Variants in SARS1 observed in about 807,000 individuals in gnomAD.
SARS1 encodes seryl-tRNA synthetase 1, also known as serine--tRNA ligase, cytoplasmic.
A neutral mutation model predicts 63.7 loss-of-function variants in SARS1; 25 were observed. That is an observed-to-expected ratio of 0.39 (90% CI 0.29 to 0.55). The LOEUF (loss-of-function observed/expected upper bound fraction) is 0.55, where lower values mean the gene tolerates loss of function less well. Ranked by LOEUF, SARS1 falls within the 20% of genes least tolerant of loss-of-function variation. The pLI is 0.62. For missense variants in SARS1, 417 were observed against 649.7 expected (o/e 0.64, Z 3.89); for synonymous variants, 231 against 243.5 (o/e 0.95, Z 0.48).
intron 6 of SARS1, among the ~76,000 whole-genome samples, chr1:109,234,054 T>A (rs1655261460): frequency 6.6e-6 from 1 of 151,306 alleles, no homozygotes; most frequent in Admixed American, 6.6e-5. Context: ...TTTTTTTGTA[T>A]TTTTAGTAGA....
In SARS1 at chr1:109,237,761, C is replaced by T. The variant is rs1247279893; in HGVS notation, c.1418C>T (p.Pro473Leu). 2 of 1,614,190 alleles carry T rather than the reference C, an allele frequency of 1.2e-6. No individual in the cohort carries two copies. Among genetic ancestry groups the T allele is most frequent in the South Asian group, 1.1e-5 (1 of 91,080 alleles). ...GLQELIPFVK[P>L]APIEQEPSKK... ...CAAGAACTGATCCCCTTTGTGAAGC[C>T]TGCGCCCATTGAGCAGGAGCCATCA... The change falls in exon 11 of 11, where the codon CCT (proline) becomes CTT (leucine). Residue 473 changes from proline (P) to leucine (L), a missense_variant. By Grantham distance (98) the Pro-to-Leu change is moderately conservative. Around this residue, in one of 3 missense-constraint regions of SARS1, gnomAD observed 43 missense variants for 68.1 expected, o/e 0.63. Coordinates refer to ENST00000234677, the MANE Select transcript of SARS1 (RefSeq NM_006513.4). This position sits in a 1 kb window ranked among gnomAD's most constrained non-coding sequence, Gnocchi z 4.1.
chr1:109,236,492 T>G lies in SARS1; in HGVS notation c.1201T>G (p.Tyr401Asp). Residue 401 changes from tyrosine (Y) to aspartate (D), a missense_variant, in exon 9 of 11, where the codon TAC becomes GAC. By Grantham distance (160) the Tyr-to-Asp change is radical. Around this residue, in one of 3 missense-constraint regions of SARS1, gnomAD observed 359 missense variants for 529.6 expected, o/e 0.68. Coordinates refer to ENST00000234677, the MANE Select transcript of SARS1 (RefSeq NM_006513.4). Reference sequence around the variant, plus strand: ...GGTCTCCTGTTCTAATTGCACGGATTACCAGGCTCGCCGGCTTCGAATCCG... The same window carrying G: ...GGTCTCCTGTTCTAATTGCACGGATGACCAGGCTCGCCGGCTTCGAATCCG... ...ELVSCSNCTD[Y>D]QARRLRIRYG... The G allele has an allele frequency of 6.2e-7, 1 of 1,607,072 alleles. No individual in the cohort carries two copies. The highest frequency in any genetic ancestry group is 8.5e-7 in the Non-Finnish European group (1 of 1,174,092).
intron 1 of SARS1, among the ~76,000 whole-genome samples, chr1:109,218,119 G>A (rs542837460): frequency 5.4e-4 from 82 of 150,936 alleles, no homozygotes; most frequent in Non-Finnish European, 1.1e-3. Flanking sequence ...CGTGAACCCG[G>A]GAGGCAGAGC....
At position 109,237,607 on chromosome 1, in the gene SARS1, C is replaced by G; in HGVS notation, c.1388-124C>G. ...TAGGGAAGAAAAGAATAAAGGAAAC[C>G]AGTGCCTATCAAAGGGACCCCTCTG... On this transcript the variant is annotated intron_variant, in intron 10 of 10. Coordinates refer to ENST00000234677, the MANE Select transcript of SARS1 (RefSeq NM_006513.4). The surrounding 1 kb of genome is among the most constrained non-coding windows in gnomAD (Gnocchi z 4.1). The G allele has an allele frequency of 5.1e-6, 6 of 1,167,602 alleles. No homozygotes were observed. In the South Asian group the frequency reaches 8.9e-5, roughly 17 times the overall value. 72.3% of individuals were successfully genotyped at this position (1,167,602 alleles called of 1,614,324 possible).
chr1:109,234,010 C>T (rs1470941306), intron 6 of SARS1, among the ~76,000 whole-genome samples: 1 of 151,644 alleles, frequency 6.6e-6, no homozygotes, highest in African/African-American at 2.4e-5. Context: ...GCTGGGACTA[C>T]AGGCATCCAC....
intron 2 of SARS1, among the ~76,000 whole-genome samples, chr1:109,226,386 T>G (rs922974756): frequency 6.7e-6 from 1 of 150,312 alleles, no homozygotes; most frequent in Non-Finnish European, 1.5e-5. Flanking sequence ...GTGTCTTGCT[T>G]TGTTGCCCAG....
At position 109,231,068 on chromosome 1, in the gene SARS1, AATAT is replaced by A. The variant is rs55823508; in HGVS notation, c.591+60_591+63del. On this transcript the variant is annotated intron_variant, in intron 5 of 10. Coordinates refer to ENST00000234677, the MANE Select transcript of SARS1 (RefSeq NM_006513.4). The stretch of plus-strand genomic sequence containing the variant: ...GGATAGGATTATGAAAAAGAAACAA[AATAT>A]ATATATATATATTTTTTTTTTTTTT... The A allele has an allele frequency of 1.7e-4, 160 of 931,290 alleles. 1 individual carries two copies. The African/African-American group carries it at 1.9e-3, about 11-fold the overall frequency. The allele number at this position is 931,290 out of a possible 1,614,324, so 57.7% of individuals were successfully genotyped here. A position where few individuals can be genotyped will look rare whatever the true frequency, so the allele number is the denominator to read the frequency against.
At chr1:109,217,679 A>G (rs1654823536) in intron 1 of SARS1, among the ~76,000 whole-genome samples, 2 of 151,714 alleles carry the variant, frequency 1.3e-5, no homozygotes, top group African/African-American at 4.8e-5. Flanking sequence ...TCCCACCTCA[A>G]CCTTCTAAGT....
chr1:109,222,404 A>G (rs1000453357), intron 1 of SARS1, among the ~76,000 whole-genome samples: 4 of 152,110 alleles, frequency 2.6e-5, no homozygotes, highest in Admixed American at 6.5e-5. Context: ...GTTCTGTGCA[A>G]TCTTACCATG....
In SARS1 at chr1:109,214,356, G is replaced by T. The variant is rs1260523450; in HGVS notation, c.136+228G>T. Reference sequence around the variant, plus strand: ...GAGGTCCCTTCCACGCGTGCTCAGTGCCGTTCGCTGCCAGTGTGCGTACGC... The same window carrying T: ...GAGGTCCCTTCCACGCGTGCTCAGTTCCGTTCGCTGCCAGTGTGCGTACGC... On this transcript the variant is annotated intron_variant, in intron 1 of 10. Transcript: ENST00000234677. This position sits in a 1 kb window ranked among gnomAD's most constrained non-coding sequence, Gnocchi z 4.6. 6.6e-6 allele frequency among the ~76,000 whole-genome samples: 1 copy of T among 152,222 alleles called. No homozygotes were observed. The highest frequency in any genetic ancestry group is 1.5e-5 in the Non-Finnish European group (1 of 68,036).
At chr1:109,228,556 G>T in intron 3 of SARS1, 124 bp downstream of exon 3, 1 of 666,690 alleles carries the variant, frequency 1.5e-6, no homozygotes, top group Non-Finnish European at 2.6e-6. Flanking sequence ...CTGCTGCTGG[G>T]AAATGTCCCC....
intron 8 of SARS1, 107 bp downstream of exon 8, chr1:109,236,213 C>T: frequency 7.2e-7 from 1 of 1,387,234 alleles, no homozygotes; most frequent in Non-Finnish European, 9.9e-7. Flanking sequence ...AACTCATTGC[C>T]CACATTAATT....
At chr1:109,226,697 TACACACACACACACACACACACACACAC>T (rs369144830) in intron 2 of SARS1, among the ~76,000 whole-genome samples, 1 of 104,176 alleles carries the variant, frequency 9.6e-6, no homozygotes, top group African/African-American at 3.8e-5. Context: ...TATATATATA[TACACACACACACACACACACACACACAC>T]ACATATATAT....
chr1:109,229,817 C>G (rs567734866), intron 4 of SARS1, among the ~76,000 whole-genome samples: 4 of 152,160 alleles, frequency 2.6e-5, no homozygotes, highest in Non-Finnish European at 4.4e-5. Flanking sequence ...TGCTGTCCTC[C>G]GCTGCATGTT....
rs1655288093 is a variant in SARS1 at position 109,235,399 on chromosome 1, C to T, written c.937C>T (p.Arg313Cys). 21 of 1,613,510 alleles carry T rather than the reference C, an allele frequency of 1.3e-5. No individual in the cohort carries two copies. The highest frequency in any genetic ancestry group is 1.7e-4 in the Middle Eastern group (1 of 5,922). The change falls in exon 7 of 11, where the codon CGT becomes TGT. Residue 313 changes from arginine to cysteine, a missense_variant. Physicochemically the swap from Arg to Cys is radical, Grantham distance 180. Transcript: ENST00000234677. The surrounding 1 kb of genome is among the most constrained non-coding windows in gnomAD (Gnocchi z 4.7). ...GGTGGGCTCCCATGGCCGTGACACC[C>T]GTGGCATCTTCCGAGTCCATCAGTT... ...QEVGSHGRDT[R>C]GIFRVHQFEK... is the part of the protein sequence containing the mutation.
At position 109,237,350 on chromosome 1, in the gene SARS1, A is replaced by C; in HGVS notation, c.1364A>C (p.Lys455Thr). ...QTEKGITVPE[K>T]LKEFMPPGLQ... ...GAGAAGGGCATCACTGTGCCTGAGA[A>C]ATTGAAGGAGTTCATGCCGCCAGGT... The change falls in exon 10 of 11, where the codon AAA (lysine) becomes ACA (threonine). Residue 455 changes from lysine to threonine, a missense_variant. By Grantham distance (78) the Lys-to-Thr change is moderately conservative (BLOSUM62 -1). Around this residue, in one of 3 missense-constraint regions of SARS1, gnomAD observed 15 missense variants for 52.0 expected, o/e 0.29. Coordinates refer to ENST00000234677, the MANE Select transcript of SARS1 (RefSeq NM_006513.4). The surrounding 1 kb of genome is among the most constrained non-coding windows in gnomAD (Gnocchi z 4.1). 1 of 1,614,226 alleles carries C rather than the reference A, an allele frequency of 6.2e-7. No homozygotes were observed. The highest frequency in any genetic ancestry group is 8.5e-7 in the Non-Finnish European group (1 of 1,180,040).
intron 5 of SARS1, 51 bp downstream of exon 5, chr1:109,231,072 T>G: frequency 1.0e-6 from 1 of 976,670 alleles, no homozygotes; most frequent in Non-Finnish European, 1.3e-6. Context: ...AAACAAAATA[T>G]ATATATATAT....
At chr1:109,228,314 T>TTTTA (rs1175442916) in intron 2 of SARS1, 38 bp from the exon 3 acceptor site, 41 of 1,449,088 alleles carry the variant, frequency 2.8e-5, no homozygotes, top group Non-Finnish European at 3.7e-5. Flanking sequence ...AGAGATTTTC[T>TTTTA]TTTATTTATT....
chr1:109,222,661 A>G (rs929399535), intron 1 of SARS1, among the ~76,000 whole-genome samples: 1 of 152,212 alleles, frequency 6.6e-6, no homozygotes, highest in Non-Finnish European at 1.5e-5. Flanking sequence ...GTAAAGCCTT[A>G]AAGAATGGCT....
Sources: allele counts gnomAD v4.1 joint callset (sites outside exome capture counted in the v4.1 genomes callset), GRCh38; gene constraint gnomAD v4.1.1; regional missense constraint gnomAD v4.1.1; non-coding constraint Gnocchi (gnomAD v3.1); transcripts MANE v1.5; gene names NCBI Gene and HGNC (gene_info 2026-07-23, HGNC 2026-07-21).